MYH11: variants seen among roughly 807,000 people sequenced by gnomAD.
MYH11 encodes myosin-11.
MYH11 carries 80 observed loss-of-function variants against 246.6 expected under a neutral mutation model. The ratio of observed to expected loss-of-function variants is 0.32; its 90% CI spans 0.27 to 0.39. The LOEUF is 0.39. MYH11 is among the 10% of genes least tolerant of loss of function. The pLI, the probability that MYH11 is intolerant of heterozygous loss-of-function variation, is 1.00. For synonymous variants in MYH11, 1,071 were observed against 1,015.5 expected (o/e 1.05, Z -1.04); for missense variants, 2,158 against 2,546.8 (o/e 0.85, Z 3.29).
chr16:15,823,450 C>G, intron 2 of MYH11, 39 bp from the exon 3 acceptor site: 1 of 1,613,564 alleles, frequency 6.2e-7, no homozygotes, highest in Non-Finnish European at 8.5e-7. Context: ...AGACCTCCTC[C>G]AGGGTAGACA....
At position 15,812,444 on chromosome 16, in the gene MYH11, C is replaced by T. The variant is rs192257444; in HGVS notation, c.502+10811G>A. Among the ~76,000 whole-genome samples the T allele has an allele frequency of 6.2e-5, 9 of 145,604 alleles. No individual in the cohort carries two copies. In the East Asian group the frequency reaches 1.0e-3, roughly 17 times the overall value. On this transcript the variant is annotated intron_variant, in intron 3 of 40. Coordinates refer to ENST00000300036, the MANE Select transcript of MYH11 (RefSeq NM_002474.3). ...AAAAATAGCAACTTTAGGCTGGGCA[C>T]GGTGGCTCATACCCATAATCCCAGC...
intron 3 of MYH11, among the ~76,000 whole-genome samples, chr16:15,810,633 T>G (rs1209094631): frequency 6.6e-6 from 1 of 152,084 alleles, no homozygotes; most frequent in East Asian, 1.9e-4. Flanking sequence ...TGGAGATGTG[T>G]TTGTAGCAGC....
intron 2 of MYH11, among the ~76,000 whole-genome samples, chr16:15,824,607 T>C (rs138889998): frequency 3.3e-5 from 5 of 152,102 alleles, no homozygotes; most frequent in Non-Finnish European, 7.4e-5. Flanking sequence ...TAACTGAACA[T>C]TGGAGGCATA....
At chr16:15,733,250 T>TGAGATGGAGTTTCACTCCTGTTGCCC (rs2041018387) in intron 26 of MYH11, among the ~76,000 whole-genome samples, 1 of 152,206 alleles carries the variant, frequency 6.6e-6, no homozygotes, top group African/African-American at 2.4e-5. Flanking sequence ...TGTTTGTTTT[T>TGAGATGGAGTTTCACTCCTGTTGCCC]GAGATGGAGT....
At chr16:15,787,399 C>A (rs1031347459) in intron 4 of MYH11, among the ~76,000 whole-genome samples, 2 of 151,822 alleles carry the variant, frequency 1.3e-5, no homozygotes, top group African/African-American at 2.4e-5. Flanking sequence ...CAGAGCAAGA[C>A]CTCATCTCTA....
At chr16:15,737,769 G>C (rs913417937) in intron 24 of MYH11, 149 bp from the exon 25 acceptor site, 2 of 772,230 alleles carry the variant, frequency 2.6e-6, no homozygotes, top group Admixed American at 2.3e-5. Flanking sequence ...ATTATCTCCC[G>C]ATGAACAGCA....
chr16:15,823,599 C>T (rs903258288), intron 2 of MYH11, among the ~76,000 whole-genome samples, 188 bp from the exon 3 acceptor site: 1 of 152,008 alleles, frequency 6.6e-6, no homozygotes, highest in African/African-American at 2.4e-5. Context: ...TTCCAAGCTG[C>T]CTATGTTTTA....
chr16:15,769,513 C>T (rs570070228), intron 9 of MYH11, among the ~76,000 whole-genome samples: 8 of 152,122 alleles, frequency 5.3e-5, no homozygotes, highest in African/African-American at 1.7e-4. Flanking sequence ...ACTGCAGCTT[C>T]GACCTCCTGG....
chr16:15,752,844 C>G (rs1173583905), intron 15 of MYH11, among the ~76,000 whole-genome samples: 1 of 152,120 alleles, frequency 6.6e-6, no homozygotes, highest in African/African-American at 2.4e-5. Context: ...GCACCACCGC[C>G]CTCCAGCCTG....
At chr16:15,742,898 C>T (rs1030428724) in intron 20 of MYH11, among the ~76,000 whole-genome samples, 1 of 151,362 alleles carries the variant, frequency 6.6e-6, no homozygotes, top group Non-Finnish European at 1.5e-5. Context: ...TCACTGCAGC[C>T]TTGAACTCCT....
intron 40 of MYH11, among the ~76,000 whole-genome samples, chr16:15,708,571 A>G (rs2039595061): frequency 6.6e-6 from 1 of 152,216 alleles, no homozygotes; most frequent in African/African-American, 2.4e-5. Flanking sequence ...GTCATGTCAC[A>G]TGTGCTGCCC....
chr16:15,709,615 C>T (rs891571418), intron 40 of MYH11, among the ~76,000 whole-genome samples: 1 of 152,134 alleles, frequency 6.6e-6, no homozygotes, highest in African/African-American at 2.4e-5. Context: ...GCACCCGGCT[C>T]AGTTTTTTAA....
At chr16:15,801,837 A>T (rs2042894113) in intron 3 of MYH11, among the ~76,000 whole-genome samples, 1 of 151,736 alleles carries the variant, frequency 6.6e-6, no homozygotes, top group South Asian at 2.1e-4. Context: ...TGCACCTGTA[A>T]TCCAAGGTAC....
intron 2 of MYH11, 63 bp downstream of exon 2, chr16:15,837,845 A>T: frequency 6.7e-7 from 1 of 1,493,406 alleles, no homozygotes; most frequent in Non-Finnish European, 9.3e-7. Context: ...CTCCCAACAC[A>T]TTTCTAATGC....
chr16:15,741,601 C>A lies in MYH11; in HGVS notation c.2721G>T (p.Glu907Asp). 1 of 1,613,072 alleles carries A rather than the reference C, an allele frequency of 6.2e-7. No individual in the cohort carries two copies. Among genetic ancestry groups the A allele is most frequent in the Non-Finnish European group, 8.5e-7 (1 of 1,180,036 alleles). The change falls in exon 22 of 41, where the codon GAG (glutamate) becomes GAT (aspartate). Residue 907 changes from glutamate (E) to aspartate (D), a missense_variant. By Grantham distance (45) the Glu-to-Asp change is conservative. Coordinates refer to ENST00000300036, the MANE Select transcript of MYH11 (RefSeq NM_002474.3). The stretch of plus-strand genomic sequence containing the variant: ...TGGCCGCCAGCCGCACCCGCATCTC[C>A]TCAGCCTCTGCATACAGCTCTGTCT... ...QAETELYAEAEEMRVRLAAKK... is the reference protein window; with the variant it reads ...QAETELYAEADEMRVRLAAKK...
At chr16:15,834,072 C>CTT (rs965022219) in intron 2 of MYH11, among the ~76,000 whole-genome samples, 1 of 151,150 alleles carries the variant, frequency 6.6e-6, no homozygotes, top group Non-Finnish European at 1.5e-5. Context: ...TTCATATGCC[C>CTT]TTTTTTTTTC....
chr16:15,767,471 G>C (rs2042008162), intron 9 of MYH11, among the ~76,000 whole-genome samples: 1 of 152,052 alleles, frequency 6.6e-6, no homozygotes, highest in Non-Finnish European at 1.5e-5. Flanking sequence ...GGCCTAATTT[G>C]GGGGGTTACA....
At chr16:15,779,051 G>A (rs530494778) in intron 6 of MYH11, 32 of 658,768 alleles carry the variant, frequency 4.9e-5, no homozygotes, top group East Asian at 1.6e-4. Context: ...GCAACAGAAC[G>A]TGTAAAACAT....
At chr16:15,753,603 T>C in intron 14 of MYH11, 95 bp from the exon 15 acceptor site, 1 of 943,900 alleles carries the variant, frequency 1.1e-6, no homozygotes, top group African/African-American at 1.6e-5. Context: ...CTTCCAGATC[T>C]TCTGAGGTCA....
Sources: allele counts gnomAD v4.1 joint callset (sites outside exome capture counted in the v4.1 genomes callset), GRCh38; gene constraint gnomAD v4.1.1; transcripts MANE v1.5; gene names NCBI Gene and HGNC (gene_info 2026-07-23, HGNC 2026-07-21).